The following AGAP1 variants were observed in gnomAD, a reference collection of about 807,000 sequenced individuals.
AGAP1 encodes the protein arf-GAP with GTPase, ANK repeat and PH domain-containing protein 1.
Under a neutral mutation model 105.3 loss-of-function variants are expected in AGAP1, and 29 were observed. The ratio of observed to expected loss-of-function variants is 0.28; its 90% CI spans 0.21 to 0.38. The LOEUF (loss-of-function observed/expected upper bound fraction) is 0.38. Among genes scored for constraint, AGAP1 ranks in the 10% least tolerant of loss-of-function variants. AGAP1 has a pLI of 1.00. For synonymous variants in AGAP1, 509 were observed against 485.9 expected, an observed-to-expected ratio of 1.05 and a Z score of -0.63; for missense variants, 998 against 1,165.1, an observed-to-expected ratio of 0.86 and a Z score of 2.09.
intron 1 of AGAP1, among the ~76,000 whole-genome samples, chr2:235,527,298 C>A (rs1942875865): frequency 6.6e-6 from 1 of 152,078 alleles, no homozygotes; most frequent in African/African-American, 2.4e-5. Context: ...AATAAGTGGG[C>A]AAAACACCGG....
At position 235,750,345 on chromosome 2, in the gene AGAP1, C is replaced by T; in HGVS notation, c.539-9C>T. The stretch of plus-strand genomic sequence containing the variant: ...CACTGTGCCGTTACTTTTTGGTCTT[C>T]TGTTCCAGATGCCATAAGTTCTGCT... On this transcript the variant is annotated splice_polypyrimidine_tract_variant and intron_variant, in intron 5 of 17. Coordinates refer to ENST00000304032, the MANE Select transcript of AGAP1 (RefSeq NM_001037131.3). The surrounding 1 kb of genome is among the most constrained non-coding windows in gnomAD (Gnocchi z 5.3). 6.2e-7 allele frequency: 1 copy of T among 1,614,048 alleles called. No homozygotes were observed. Among genetic ancestry groups the T allele is most frequent in the Non-Finnish European group, 8.5e-7 (1 of 1,179,960 alleles).
intron 9 of AGAP1, among the ~76,000 whole-genome samples, chr2:235,826,733 C>T (rs550781832): frequency 1.6e-4 from 24 of 152,306 alleles, no homozygotes; most frequent in Admixed American, 5.2e-4. Context: ...CCACTGCACA[C>T]GGCTTGCTTC....
At chr2:235,711,623 G>A (rs1237010828) in intron 2 of AGAP1, among the ~76,000 whole-genome samples, 1 of 152,268 alleles carries the variant, frequency 6.6e-6, no homozygotes, top group South Asian at 2.1e-4. Context: ...ACGAGATCCT[G>A]GCAGGCCCAC....
chr2:235,945,688 C>G (rs927323574), intron 12 of AGAP1, among the ~76,000 whole-genome samples: 11 of 151,964 alleles, frequency 7.2e-5, no homozygotes, highest in African/African-American at 1.9e-4. Flanking sequence ...GAGTGGGTAC[C>G]TGTATGAATC....
chr2:235,521,736 A>ATGTATG (rs368849182), intron 1 of AGAP1, among the ~76,000 whole-genome samples: 23 of 143,492 alleles, frequency 1.6e-4, no homozygotes, highest in Admixed American at 4.8e-4. Flanking sequence ...TTTGTTTGTT[A>ATGTATG]TATATATGTG....
rs1399346049 is a variant in AGAP1, at chr2:235,830,574, CTT to C, written c.1050+23245_1050+23246del. ...TCAGAAGTGTTGCATGCTGAGCACTCTTTGTGAGATACTTTGGGGGCTCAGGG... is the reference window on the plus strand; with the variant it reads ...TCAGAAGTGTTGCATGCTGAGCACTCTGTGAGATACTTTGGGGGCTCAGGG... On this transcript the variant is annotated intron_variant, in intron 9 of 17. Transcript: ENST00000304032. This position sits in a 1 kb window ranked among gnomAD's most constrained non-coding sequence, Gnocchi z 5.5. Among the ~76,000 whole-genome samples, 1 of 140,138 alleles carries C rather than the reference CTT, an allele frequency of 7.1e-6. No individual in the cohort carries two copies. The highest frequency in any genetic ancestry group is 1.5e-5 in the Non-Finnish European group (1 of 66,570). The allele number at this position is 140,138 out of a possible 152,430, so 91.9% of individuals were successfully genotyped here.
At chr2:235,837,868 G>C (rs1330881162) in intron 9 of AGAP1, among the ~76,000 whole-genome samples, 2 of 152,036 alleles carry the variant, frequency 1.3e-5, no homozygotes, top group African/African-American at 2.4e-5. Flanking sequence ...GGGAGTACAG[G>C]CTCCCTTAAT....
rs963405224 is a variant in AGAP1 at position 235,689,441 on chromosome 2, C to G, written c.164-19738C>G. Among the ~76,000 whole-genome samples the G allele has an allele frequency of 6.6e-6, 1 of 152,224 alleles. No homozygotes were observed. On this transcript the variant is annotated intron_variant, in intron 1 of 17. Transcript: ENST00000304032. The surrounding 1 kb of genome is among the most constrained non-coding windows in gnomAD (Gnocchi z 4.2). ...ATTATGTTTCCATTACACCATAGAACATAACAATTTTGACTGCAGAGAGGC... is the reference window on the plus strand; with the variant it reads ...ATTATGTTTCCATTACACCATAGAAGATAACAATTTTGACTGCAGAGAGGC...
Position 235,801,690 on chromosome 2 carries a change from A to C in AGAP1, c.957+2168A>C, listed in dbSNP as rs1016335303. ...AATAGCCAAAGATGCAGCTGGATTG[A>C]GAGAAGGTGGGCTGTGGGCAGGCGG... On this transcript the variant is annotated intron_variant, in intron 8 of 17. Transcript: ENST00000304032. This position sits in a 1 kb window ranked among gnomAD's most constrained non-coding sequence, Gnocchi z 6.0. Among the ~76,000 whole-genome samples the C allele has an allele frequency of 6.6e-6, 1 of 152,056 alleles. No homozygotes were observed. Among genetic ancestry groups the C allele is most frequent in the African/African-American group, 2.4e-5 (1 of 41,418 alleles).
chr2:235,931,649 G>C lies in AGAP1; in HGVS notation c.1483+726G>C, dbSNP rs955227543. Among the ~76,000 whole-genome samples the C allele has an allele frequency of 6.6e-6, 1 of 151,998 alleles. No individual in the cohort carries two copies. The highest frequency in any genetic ancestry group is 6.6e-5 in the Admixed American group (1 of 15,264). On this transcript the variant is annotated intron_variant, in intron 12 of 17. Coordinates refer to ENST00000304032, the MANE Select transcript of AGAP1 (RefSeq NM_001037131.3). This position sits in a 1 kb window ranked among gnomAD's most constrained non-coding sequence, Gnocchi z 5.6. ...CACTGTTGTATGTAATCTATCAGACGGGGTTTTAGAGTAATCTTAGCATAA... is the reference window on the plus strand; with the variant it reads ...CACTGTTGTATGTAATCTATCAGACCGGGTTTTAGAGTAATCTTAGCATAA...
intron 13 of AGAP1, among the ~76,000 whole-genome samples, chr2:236,007,967 G>A (rs2056379692): frequency 6.6e-6 from 1 of 152,252 alleles, no homozygotes; most frequent in Non-Finnish European, 1.5e-5. Context: ...TCACAAGAAA[G>A]AGGTGCATTT....
rs1371859957 is a variant in AGAP1, at chr2:236,123,362, A to C, written c.2371-557A>C. Reference sequence around the variant, plus strand: ...TGTGTTGTGCTTCTGAGTAATTTTTAATGATGTAAGAAAATGATCACAGTA... The same window carrying C: ...TGTGTTGTGCTTCTGAGTAATTTTTCATGATGTAAGAAAATGATCACAGTA... On this transcript the variant is annotated intron_variant, in intron 17 of 17. Coordinates refer to ENST00000304032, the MANE Select transcript of AGAP1 (RefSeq NM_001037131.3). This position sits in a 1 kb window ranked among gnomAD's most constrained non-coding sequence, Gnocchi z 4.6. 6.6e-6 allele frequency among the ~76,000 whole-genome samples: 1 copy of C among 152,234 alleles called. No individual in the cohort carries two copies. Among genetic ancestry groups the C allele is most frequent in the African/African-American group, 2.4e-5 (1 of 41,456 alleles).
intron 10 of AGAP1, among the ~76,000 whole-genome samples, chr2:235,899,036 G>A (rs762571282): frequency 1.5e-4 from 23 of 152,150 alleles, no homozygotes; most frequent in Non-Finnish European, 2.8e-4. Flanking sequence ...GGAAAAATAC[G>A]TATAGAAGAC....
At chr2:236,032,329 A>T (rs1016590832) in intron 13 of AGAP1, among the ~76,000 whole-genome samples, 2 of 152,192 alleles carry the variant, frequency 1.3e-5, no homozygotes, top group African/African-American at 4.8e-5. Context: ...GAATCCATAT[A>T]ACTCTATTCA....
chr2:235,929,427 G>C (rs1360866991), intron 11 of AGAP1, among the ~76,000 whole-genome samples: 1 of 152,116 alleles, frequency 6.6e-6, no homozygotes, highest in Non-Finnish European at 1.5e-5. Context: ...GAATCAAGCA[G>C]ACCTGCCTAT....
At chr2:235,636,737 A>G (rs868179872) in intron 1 of AGAP1, among the ~76,000 whole-genome samples, 6 of 152,216 alleles carry the variant, frequency 3.9e-5, no homozygotes, top group African/African-American at 1.2e-4. Flanking sequence ...GTGCCTATGA[A>G]TGTGATCGTC....
rs1952315077 is a variant in AGAP1, at chr2:235,737,389, G to A, written c.311-3574G>A. ...GCCGGGGGAATGTAAACTGACTTTA[G>A]GATTCGAAGAGACCTTGCTGATGAG... On this transcript the variant is annotated intron_variant, in intron 3 of 17. Transcript: ENST00000304032. This position sits in a 1 kb window ranked among gnomAD's most constrained non-coding sequence, Gnocchi z 4.5. 6.6e-6 allele frequency among the ~76,000 whole-genome samples: 1 copy of A among 152,188 alleles called. No homozygotes were observed. The highest frequency in any genetic ancestry group is 1.5e-5 in the Non-Finnish European group (1 of 68,046).
intron 6 of AGAP1, among the ~76,000 whole-genome samples, chr2:235,762,603 C>A (rs920558235): frequency 3.9e-5 from 6 of 152,166 alleles, no homozygotes; most frequent in African/African-American, 1.4e-4. Context: ...TGTGGTGGCT[C>A]ACACCTGTAA....
At chr2:235,903,257 A>G (rs969856549) in intron 10 of AGAP1, among the ~76,000 whole-genome samples, 1 of 152,202 alleles carries the variant, frequency 6.6e-6, no homozygotes, top group African/African-American at 2.4e-5. Flanking sequence ...TCATTTAACT[A>G]TGTAAATTTA....
Sources: gnomAD v4.1 joint callset for allele counts (sites outside exome capture counted in the v4.1 genomes callset) on GRCh38, gnomAD v4.1.1 for gene constraint, Gnocchi (gnomAD v3.1) non-coding constraint, MANE v1.5 for transcripts, NCBI Gene and HGNC (gene_info 2026-07-23, HGNC 2026-07-21) for gene names.